The following SOX5 variants were observed in gnomAD, a reference collection of about 807,000 sequenced individuals.
SOX5 encodes transcription factor SOX-5.
A neutral mutation model predicts 92.0 loss-of-function variants in SOX5; 9 were observed. The ratio of observed to expected loss-of-function variants is 0.10; its 90% CI spans 0.06 to 0.17. SOX5 has a LOEUF of 0.17. Among genes scored for constraint, SOX5 ranks in the 10% least tolerant of loss-of-function variants. The pLI, the probability that SOX5 is intolerant of heterozygous loss-of-function variation, is 1.00. For missense variants in SOX5, 642 were observed against 944.5 expected, an observed-to-expected ratio of 0.68 and a Z score of 4.20; for synonymous variants, 344 against 336.3, an observed-to-expected ratio of 1.02 and a Z score of -0.25.
chr12:24,321,532 G>A (rs1412897573), intron 2 of SOX5, among the ~76,000 whole-genome samples: 1 of 151,970 alleles, frequency 6.6e-6, no homozygotes. Context: ...GAAAATAAAC[G>A]TCTAGATATT....
intron 1 of SOX5, among the ~76,000 whole-genome samples, chr12:24,407,229 G>A (rs1040887966): frequency 2.6e-5 from 4 of 152,120 alleles, no homozygotes; most frequent in Admixed American, 6.5e-5. Flanking sequence ...AAGATAGATC[G>A]AGGTGTGCCC....
chr12:24,364,511 C>CATATATATATATAT lies in SOX5; in HGVS notation c.-174+4038_-174+4051dup, dbSNP rs58135899. Among the ~76,000 whole-genome samples, 950 of 110,332 alleles carry CATATATATATATAT rather than the reference C, an allele frequency of 8.6e-3. 13 individuals carry two copies. The highest frequency in any genetic ancestry group is 0.033 in the East Asian group (119 of 3,566). The allele number at this position is 110,332 out of a possible 152,430, so 72.4% of individuals were successfully genotyped here. On this transcript the variant is annotated intron_variant, in intron 2 of 4. Coordinates refer to the SOX5 transcript ENST00000446891. ...AAAACTGAACAACTTAACATTTTTT[C>CATATATATATATAT]ATATATATATATATATATATATATA...
chr12:24,044,908 A>C (rs12371616), intron 4 of SOX5, among the ~76,000 whole-genome samples: 74,131 of 152,046 alleles, frequency 0.49, 18,292 homozygotes, highest in Middle Eastern at 0.56. Flanking sequence ...AAGCAAAATA[A>C]TCAGCATTAC....
intron 4 of SOX5, among the ~76,000 whole-genome samples, chr12:23,999,012 C>T (rs1049022364): frequency 6.6e-6 from 1 of 151,484 alleles, no homozygotes; most frequent in South Asian, 2.1e-4. Context: ...TTAAAAGCAC[C>T]AAGAGGAAAA....
At chr12:24,035,796 T>C (rs140331164) in intron 4 of SOX5, among the ~76,000 whole-genome samples, 83 of 152,174 alleles carry the variant, frequency 5.5e-4, no homozygotes, top group Non-Finnish European at 9.1e-4. Flanking sequence ...CCTTCTCTCA[T>C]TAAAAATGTG....
intron 3 of SOX5, among the ~76,000 whole-genome samples, chr12:24,221,219 A>T (rs1960339795): frequency 6.6e-6 from 1 of 152,200 alleles, no homozygotes; most frequent in Non-Finnish European, 1.5e-5. Context: ...TATGGAAATG[A>T]GCTAGTCAGG....
intron 1 of SOX5, among the ~76,000 whole-genome samples, chr12:24,518,970 A>G (rs1243424860): frequency 1.3e-5 from 2 of 152,176 alleles, no homozygotes; most frequent in Non-Finnish European, 2.9e-5. Context: ...AGGTATGATT[A>G]TGTAGGATTG....
chr12:24,450,470 T>TTTTATTTATTTATTTA (rs75555397), intron 1 of SOX5, among the ~76,000 whole-genome samples: 8 of 145,786 alleles, frequency 5.5e-5, no homozygotes, highest in Non-Finnish European at 9.1e-5. Flanking sequence ...TGTGTATTTA[T>TTTTATTTATTTATTTA]TTTATTTATT....
intron 3 of SOX5, among the ~76,000 whole-genome samples, chr12:24,260,016 G>A (rs1941855331): frequency 6.6e-6 from 1 of 152,184 alleles, no homozygotes; most frequent in Non-Finnish European, 1.5e-5. Context: ...AGAATTACAA[G>A]CACAAAGAGA....
intron 4 of SOX5, among the ~76,000 whole-genome samples, chr12:24,179,190 C>T (rs950475282): frequency 1.3e-5 from 2 of 152,060 alleles, no homozygotes; most frequent in South Asian, 2.1e-4. Context: ...TTTAAATATT[C>T]GAACAGTATC....
rs539777241 is a variant in SOX5, at chr12:23,610,326, T to C, written c.1018-5793A>G. Among the ~76,000 whole-genome samples, 6 of 152,282 alleles carry C rather than the reference T, an allele frequency of 3.9e-5. No homozygotes were observed. The South Asian group carries it at 1.0e-3, about 26-fold the overall frequency. The stretch of plus-strand genomic sequence containing the variant: ...ATTGCTAAAAACACAACTTCTCTGA[T>C]TGACTACTAGTCCACTGTCTAACCG... On this transcript the variant is annotated intron_variant, in intron 8 of 14. Transcript: ENST00000451604.
At chr12:24,342,783 A>T (rs1952732062) in intron 2 of SOX5, among the ~76,000 whole-genome samples, 1 of 152,200 alleles carries the variant, frequency 6.6e-6, no homozygotes, top group Admixed American at 6.5e-5. Context: ...GGTAAATCTG[A>T]TTATACCATT....
chr12:23,672,715 T>C (rs2084996310), intron 6 of SOX5, among the ~76,000 whole-genome samples: 2 of 152,274 alleles, frequency 1.3e-5, no homozygotes, highest in South Asian at 2.1e-4. Flanking sequence ...TTTCTTTCAA[T>C]GGCTCATTTC....
chr12:24,204,327 A>T (rs138859282), intron 4 of SOX5, among the ~76,000 whole-genome samples: 17 of 149,954 alleles, frequency 1.1e-4, no homozygotes, highest in South Asian at 2.1e-4. Context: ...TATTATTATT[A>T]ATTATTATTA....
chr12:23,781,891 A>G (rs2095287849), intron 3 of SOX5, among the ~76,000 whole-genome samples: 2 of 152,162 alleles, frequency 1.3e-5, no homozygotes, highest in Admixed American at 6.5e-5. Context: ...ATATAGAAAC[A>G]ATGAGTCATG....
At chr12:23,713,831 ACT>A in intron 6 of SOX5, among the ~76,000 whole-genome samples, 1 of 150,952 alleles carries the variant, frequency 6.6e-6, no homozygotes, top group East Asian at 1.9e-4. Flanking sequence ...GGTGGCTCAC[ACT>A]GTAATCCCAG....
intron 6 of SOX5, among the ~76,000 whole-genome samples, chr12:23,720,630 A>G (rs1397900576): frequency 6.6e-6 from 1 of 152,224 alleles, no homozygotes; most frequent in Non-Finnish European, 1.5e-5. Context: ...AAATACAGAG[A>G]CTATTATGAA....
chr12:23,898,356 A>C (rs7308636), intron 1 of SOX5, among the ~76,000 whole-genome samples: 105,956 of 151,920 alleles, frequency 0.7, 37,051 homozygotes, highest in East Asian at 0.89. Context: ...TCTGCCTCAG[A>C]CTCATGTATA....
intron 4 of SOX5, among the ~76,000 whole-genome samples, chr12:24,179,727 G>A (rs906796200): frequency 7.9e-5 from 12 of 152,212 alleles, no homozygotes; most frequent in Non-Finnish European, 1.2e-4. Flanking sequence ...GCACATTTAA[G>A]GTAGGTGCGG....
Sources: allele counts gnomAD v4.1 joint callset (sites outside exome capture counted in the v4.1 genomes callset), GRCh38; gene constraint gnomAD v4.1.1; transcripts MANE v1.5; gene names NCBI Gene and HGNC (gene_info 2026-07-23, HGNC 2026-07-21).